Variants in MBNL1 observed in about 807,000 individuals in gnomAD.
MBNL1 encodes the protein muscleblind-like protein 1.
MBNL1 carries 8 observed loss-of-function variants against 42.2 expected under a neutral mutation model. The ratio of observed to expected loss-of-function variants is 0.19; its 90% CI spans 0.11 to 0.34. The LOEUF (loss-of-function observed/expected upper bound fraction) is 0.34, where lower values mean the gene tolerates loss of function less well. Ranked by LOEUF, MBNL1 falls within the 10% of genes least tolerant of loss-of-function variation. The pLI is 1.00. For synonymous variants in MBNL1, 169 were observed against 173.9 expected, an observed-to-expected ratio of 0.97 and a Z score of 0.22; for missense variants, 309 against 495.3, an observed-to-expected ratio of 0.62 and a Z score of 3.57.
At chr3:152,383,716 T>C (rs1383996606) in intron 2 of MBNL1, among the ~76,000 whole-genome samples, 3 of 152,126 alleles carry the variant, frequency 2.0e-5, no homozygotes, top group African/African-American at 7.2e-5. Context: ...CTTTTCAGAA[T>C]GGACATGTTA....
At chr3:152,357,420 A>G (rs1457865870) in intron 2 of MBNL1, among the ~76,000 whole-genome samples, 1 of 152,206 alleles carries the variant, frequency 6.6e-6, no homozygotes, top group Non-Finnish European at 1.5e-5. Flanking sequence ...GTATAAAATA[A>G]TACTGTTTTG....
chr3:152,433,654 G>A (rs955946324), intron 4 of MBNL1, among the ~76,000 whole-genome samples: 1 of 151,264 alleles, frequency 6.6e-6, no homozygotes, highest in South Asian at 2.1e-4. Context: ...GGAGGCTGAG[G>A]CAGGAGAATG....
At chr3:152,356,163 T>C (rs969764503) in intron 2 of MBNL1, among the ~76,000 whole-genome samples, 1 of 152,086 alleles carries the variant, frequency 6.6e-6, no homozygotes, top group African/African-American at 2.4e-5. Flanking sequence ...ATCTAACTTA[T>C]GCTTTATGCT....
chr3:152,437,030 A>T lies in MBNL1; in HGVS notation c.549+4110A>T, dbSNP rs147260978. ...TGTGATTTTAGACAATCCTATCTGC[A>T]GGTTATTTCCTCGCATGCTAATTGC... is the stretch of plus-strand genomic sequence containing the variant. On this transcript the variant is annotated intron_variant, in intron 4 of 9. Coordinates refer to ENST00000324210, the MANE Select transcript of MBNL1 (RefSeq NM_021038.5). Among the ~76,000 whole-genome samples, 9 of 152,340 alleles carry T rather than the reference A, an allele frequency of 5.9e-5. No homozygotes were observed. In the East Asian group the frequency reaches 1.7e-3, roughly 29 times the overall value.
chr3:152,301,982 G>C (rs1038824528), intron 2 of MBNL1: 2 of 152,160 alleles, frequency 1.3e-5, no homozygotes, highest in East Asian at 3.8e-4. Context: ...GACATTGAGT[G>C]GTTACACAGA....
intron 2 of MBNL1, among the ~76,000 whole-genome samples, chr3:152,303,319 T>G (rs150588825): frequency 6.6e-6 from 1 of 152,302 alleles, no homozygotes; most frequent in African/African-American, 2.4e-5. Flanking sequence ...TAATAATGTG[T>G]GCTAGTATAT....
intron 2 of MBNL1, among the ~76,000 whole-genome samples, chr3:152,247,869 C>T (rs757369022): frequency 1.3e-5 from 2 of 151,972 alleles, no homozygotes; most frequent in Middle Eastern, 3.4e-3. Context: ...TAGAATCATT[C>T]ATTAATATTG....
intron 1 of MBNL1, among the ~76,000 whole-genome samples, chr3:152,272,231 C>G (rs2042344689): frequency 6.6e-6 from 1 of 152,106 alleles, no homozygotes; most frequent in Admixed American, 6.5e-5. Context: ...CATAGAAATA[C>G]CTCGTCTTTC....
At chr3:152,350,942 G>GGAA (rs1164340947) in intron 2 of MBNL1, among the ~76,000 whole-genome samples, 1 of 152,116 alleles carries the variant, frequency 6.6e-6, no homozygotes, top group African/African-American at 2.4e-5. Flanking sequence ...TGCTCTTAGG[G>GGAA]GAAGAAGTTT....
chr3:152,299,343 A>ATACT (rs2059894626), intron 1 of MBNL1, 62 bp from the exon 2 acceptor site: 1 of 194,386 alleles, frequency 5.1e-6, no homozygotes, highest in Non-Finnish European at 1.0e-5. Flanking sequence ...CAAGGTTGTG[A>ATACT]TACTGTAGGA....
intron 1 of MBNL1, among the ~76,000 whole-genome samples, chr3:152,296,649 A>G (rs368290689): frequency 8.0e-5 from 12 of 150,478 alleles, no homozygotes; most frequent in African/African-American, 2.7e-4. Flanking sequence ...ACCCTGGAAC[A>G]TAATAATTTA....
At chr3:152,325,083 A>ACCCACCCCC (rs532514721) in intron 2 of MBNL1, among the ~76,000 whole-genome samples, 1 of 26,008 alleles carries the variant, frequency 3.8e-5, no homozygotes, top group Non-Finnish European at 7.6e-5. Flanking sequence ...AATGCCACAT[A>ACCCACCCCC]CCCGCCCCCC....
rs980058573 is a variant in MBNL1 at position 152,313,086 on chromosome 3, G to A, written c.174+12719G>A. 1.1e-4 allele frequency among the ~76,000 whole-genome samples: 16 copies of A among 151,498 alleles called. No individual in the cohort carries two copies. The South Asian group carries it at 2.9e-3, about 28-fold the overall frequency. ...CACCCAGGCTGGAGTGCAATGGCACGATCTCGGCTCACTGCAACCTCCACC... is the reference window on the plus strand; with the variant it reads ...CACCCAGGCTGGAGTGCAATGGCACAATCTCGGCTCACTGCAACCTCCACC... On this transcript the variant is annotated intron_variant, in intron 2 of 9. Transcript: ENST00000324210.
At chr3:152,293,765 A>T (rs926260452) in intron 1 of MBNL1, among the ~76,000 whole-genome samples, 4 of 152,224 alleles carry the variant, frequency 2.6e-5, no homozygotes, top group African/African-American at 9.6e-5. Flanking sequence ...ATATAACTGG[A>T]CTGATTGCCT....
chr3:152,425,929 A>G (rs953536453), intron 3 of MBNL1, among the ~76,000 whole-genome samples: 1 of 152,222 alleles, frequency 6.6e-6, no homozygotes, highest in African/African-American at 2.4e-5. Context: ...TCACAATAGC[A>G]ATGACTTGGA....
upstream of MBNL1, chr3:152,268,372 C>T (rs1442924622): frequency 5.3e-6 from 1 of 190,298 alleles, no homozygotes; most frequent in Non-Finnish European, 1.1e-5. Context: ...CGCCTGTTAG[C>T]CCTCCAGGTT....
chr3:152,458,344 C>T, intron 8 of MBNL1: 1 of 628,080 alleles, frequency 1.6e-6, no homozygotes, highest in South Asian at 2.0e-5. Flanking sequence ...TTGAATTAGC[C>T]TAAGATGTCT....
In MBNL1 at chr3:152,287,763, G is replaced by A. The variant is rs914369324; in HGVS notation, c.-789-11642G>A. Among the ~76,000 whole-genome samples the A allele has an allele frequency of 3.3e-5, 5 of 152,268 alleles. No homozygotes were observed. The South Asian group carries it at 1.0e-3, about 32-fold the overall frequency. On this transcript the variant is annotated intron_variant, in intron 1 of 9. Coordinates refer to ENST00000324210, the MANE Select transcript of MBNL1 (RefSeq NM_021038.5). ...CATTCTGATTTGCTGTGGAAAGCTG[G>A]TCATTACTTTTTAAGAGCATATGAT...
intron 2 of MBNL1, among the ~76,000 whole-genome samples, chr3:152,365,203 A>G (rs535749146): frequency 3.4e-4 from 51 of 152,124 alleles, no homozygotes; most frequent in Non-Finnish European, 6.3e-4. Flanking sequence ...GTGTAGTCCA[A>G]AAACGCTTGT....
Sources: gnomAD v4.1 joint callset for allele counts (sites outside exome capture counted in the v4.1 genomes callset) on GRCh38, gnomAD v4.1.1 for gene constraint, MANE v1.5 for transcripts, NCBI Gene and HGNC (gene_info 2026-07-23, HGNC 2026-07-21) for gene names.